DENND1A: variants seen among roughly 807,000 people sequenced by gnomAD.
DENND1A encodes the protein DENN domain-containing protein 1A.
Under a neutral mutation model 113.7 loss-of-function variants are expected in DENND1A, and 51 were observed. The observed-to-expected ratio is 0.45, with a 90% CI of 0.36 to 0.57. The LOEUF (loss-of-function observed/expected upper bound fraction) is 0.57. Among genes scored for constraint, DENND1A ranks in the 20% least tolerant of loss-of-function variants. The pLI is 0.00. For missense variants in DENND1A, 1,258 were observed against 1,395.9 expected (o/e 0.90, Z 1.57); for synonymous variants, 565 against 570.8 (o/e 0.99, Z 0.14).
chr9:123,622,507 C>T (rs180715632), intron 10 of DENND1A, among the ~76,000 whole-genome samples: 2 of 151,942 alleles, frequency 1.3e-5, no homozygotes, highest in East Asian at 1.9e-4. Flanking sequence ...TGACAACATA[C>T]GTCTACAATT....
At chr9:123,815,562 C>A (rs1837307901) in intron 2 of DENND1A, among the ~76,000 whole-genome samples, 1 of 152,102 alleles carries the variant, frequency 6.6e-6, no homozygotes, top group Admixed American at 6.5e-5. Context: ...ATAGCACTTG[C>A]AGTATAACAT....
At chr9:123,455,999 T>C (rs1344230647) in intron 15 of DENND1A, among the ~76,000 whole-genome samples, 4 of 152,284 alleles carry the variant, frequency 2.6e-5, no homozygotes, top group Admixed American at 6.5e-5. Context: ...TAACACTCCT[T>C]GAGGGCAGAA....
intron 11 of DENND1A, among the ~76,000 whole-genome samples, chr9:123,586,623 C>T (rs774393461): frequency 1.3e-5 from 2 of 152,112 alleles, no homozygotes; most frequent in African/African-American, 4.8e-5. Flanking sequence ...AAAGGGCTGG[C>T]GTGGACTCAA....
chr9:123,407,681 C>T (rs1429876260), intron 20 of DENND1A, among the ~76,000 whole-genome samples: 1 of 152,150 alleles, frequency 6.6e-6, no homozygotes, highest in Non-Finnish European at 1.5e-5. Flanking sequence ...AGGATCCCAG[C>T]CGCGTCCGGG....
chr9:123,656,771 A>G (rs909146287), intron 8 of DENND1A, among the ~76,000 whole-genome samples: 8 of 152,100 alleles, frequency 5.3e-5, no homozygotes, highest in Non-Finnish European at 8.8e-5. Flanking sequence ...CACTTTCTTC[A>G]TTCTCTGCCA....
intron 20 of DENND1A, among the ~76,000 whole-genome samples, chr9:123,403,810 A>G (rs762652570): frequency 4.6e-5 from 7 of 152,188 alleles, no homozygotes; most frequent in Non-Finnish European, 8.8e-5. Flanking sequence ...ATGTCTACAT[A>G]GGACCCGGAA....
At chr9:123,389,612 T>C (rs912038914) in intron 21 of DENND1A, among the ~76,000 whole-genome samples, 6 of 152,364 alleles carry the variant, frequency 3.9e-5, no homozygotes, top group African/African-American at 1.4e-4. Flanking sequence ...AAACCCACAC[T>C]TGTCACTCTC....
At chr9:123,566,505 C>T (rs1260814347) in intron 12 of DENND1A, among the ~76,000 whole-genome samples, 1 of 152,102 alleles carries the variant, frequency 6.6e-6, no homozygotes, top group Non-Finnish European at 1.5e-5. Context: ...AGTTAGAATT[C>T]CAGGCAGCTT....
At chr9:123,727,489 A>G (rs2067791967) in intron 5 of DENND1A, among the ~76,000 whole-genome samples, 1 of 152,330 alleles carries the variant, frequency 6.6e-6, no homozygotes, top group South Asian at 2.1e-4. Context: ...CTCCAGATGT[A>G]TCCTTTGAAG....
At chr9:123,590,239 T>G (rs771321891) in intron 11 of DENND1A, among the ~76,000 whole-genome samples, 2 of 152,170 alleles carry the variant, frequency 1.3e-5, no homozygotes, top group Non-Finnish European at 2.9e-5. Flanking sequence ...TGTGACTTAC[T>G]TAGGTAGGTA....
intron 1 of DENND1A, among the ~76,000 whole-genome samples, chr9:123,895,285 T>C (rs538044280): frequency 2.6e-4 from 40 of 152,224 alleles, no homozygotes; most frequent in African/African-American, 8.9e-4. Flanking sequence ...ATGGTTTTTT[T>C]CCATCTTCTC....
intron 13 of DENND1A, among the ~76,000 whole-genome samples, chr9:123,526,407 T>C (rs749781585): frequency 6.6e-6 from 1 of 152,216 alleles, no homozygotes; most frequent in Non-Finnish European, 1.5e-5. Context: ...AGGTGCTCTC[T>C]CATCAGCATT....
chr9:123,757,808 T>C lies in DENND1A; in HGVS notation c.197A>G (p.Gln66Arg), dbSNP rs759712427. ...PFYVDSLTVS[Q>R]VGQNFTFVLT... is the part of the protein sequence containing the mutation. The stretch of plus-strand genomic sequence containing the variant: ...CACGAATGTGAAGTTCTGGCCAACT[T>C]GGCTAACTGTGAGGCTGCAGCAAAG... The change falls in exon 5 of 24, where the codon CAA (glutamine) becomes CGA (arginine). Residue 66 changes from glutamine (Q) to arginine (R), a missense_variant. Physicochemically the swap from Gln to Arg is conservative, Grantham distance 43. Transcript: ENST00000394215. 6.2e-7 allele frequency: 1 copy of C among 1,613,794 alleles called. No homozygotes were observed. Among genetic ancestry groups the C allele is most frequent in the Non-Finnish European group, 8.5e-7 (1 of 1,179,956 alleles).
chr9:123,818,561 C>CATATATATATAT (rs1250943832), intron 2 of DENND1A, among the ~76,000 whole-genome samples: 1 of 116,498 alleles, frequency 8.6e-6, no homozygotes, highest in African/African-American at 3.0e-5. Context: ...CACACACACA[C>CATATATATATAT]ACACACATAT....
At chr9:123,506,359 G>T (rs570713050) in intron 13 of DENND1A, among the ~76,000 whole-genome samples, 2 of 152,106 alleles carry the variant, frequency 1.3e-5, no homozygotes, top group Admixed American at 1.3e-4. Context: ...CGAAGTGGGC[G>T]GATCACTAGG....
intron 13 of DENND1A, among the ~76,000 whole-genome samples, chr9:123,460,185 T>C (rs1301109035): frequency 6.6e-6 from 1 of 152,204 alleles, no homozygotes; most frequent in Non-Finnish European, 1.5e-5. Flanking sequence ...CCCACACTAG[T>C]TCCTTGGGAA....
intron 10 of DENND1A, among the ~76,000 whole-genome samples, chr9:123,625,103 T>C (rs891184828): frequency 6.6e-6 from 1 of 152,240 alleles, no homozygotes; most frequent in African/African-American, 2.4e-5. Flanking sequence ...TATACATATA[T>C]ACATCCGATT....
At chr9:123,701,779 G>A (rs907288673) in intron 5 of DENND1A, among the ~76,000 whole-genome samples, 2 of 152,208 alleles carry the variant, frequency 1.3e-5, no homozygotes, top group African/African-American at 4.8e-5. Context: ...GAGGATTAGG[G>A]ACCAGACCAG....
chr9:123,569,060 A>G (rs953784084), intron 12 of DENND1A, among the ~76,000 whole-genome samples: 4 of 152,260 alleles, frequency 2.6e-5, no homozygotes, highest in Non-Finnish European at 4.4e-5. Flanking sequence ...AGAAATGCAG[A>G]GGATTACAAA....
Sources: gnomAD v4.1 joint callset for allele counts (sites outside exome capture counted in the v4.1 genomes callset) on GRCh38, gnomAD v4.1.1 for gene constraint, MANE v1.5 for transcripts, NCBI Gene and HGNC (gene_info 2026-07-23, HGNC 2026-07-21) for gene names.